The following CEP120 variants were observed in gnomAD, a reference collection of about 807,000 sequenced individuals.
The protein encoded by CEP120 is centrosomal protein 120.
CEP120 carries 113 observed loss-of-function variants against 126.5 expected under a neutral mutation model. The ratio of observed to expected loss-of-function variants is 0.89; its 90% CI spans 0.77 to 1.04. The LOEUF is 1.04. Ranked by LOEUF, CEP120 falls within the 50% of genes least tolerant of loss-of-function variation. The probability of loss-of-function intolerance (pLI) is 0.00; values close to 1 mark genes in which losing one functional copy is unlikely to be tolerated. For missense variants in CEP120, 1,230 were observed against 1,155.7 expected (o/e 1.06, Z -0.93); for synonymous variants, 400 against 394.3 (o/e 1.01, Z -0.17).
intron 3 of CEP120, among the ~76,000 whole-genome samples, chr5:123,414,152 G>C (rs1455474658): frequency 2.0e-5 from 3 of 152,158 alleles, no homozygotes; most frequent in Admixed American, 2.0e-4. Flanking sequence ...TCATCCCTCA[G>C]ATACCCCCCT....
At chr5:123,365,575 T>G (rs1770396073) in intron 17 of CEP120, among the ~76,000 whole-genome samples, 1 of 151,688 alleles carries the variant, frequency 6.6e-6, no homozygotes, top group Admixed American at 6.6e-5. Flanking sequence ...AATATATGAC[T>G]ACATGGAGTC....
At chr5:123,422,388 G>C (rs776579325) in intron 1 of CEP120, 2 of 927,296 alleles carry the variant, frequency 2.2e-6, no homozygotes, top group African/African-American at 3.3e-5. Context: ...AATCAGGACT[G>C]TTTCATTCTT....
At chr5:123,423,610 T>TTG (rs1206150360), upstream of CEP120, 198 of 153,022 alleles carry the variant, frequency 1.3e-3, 2 homozygotes, top group Admixed American at 2.3e-3. Context: ...TGAAGCTGCG[T>TTG]AGCCTTTAAG....
Position 123,346,425 on chromosome 5 carries a change from C to A in CEP120, c.*94G>T. ...TTTTGCTTATAAAAAATTGAAAATA[C>A]CATTTTAAAACATCCATTTTCCTCA... On this transcript the variant is annotated 3_prime_UTR_variant, in exon 20 of 20. Transcript: ENST00000306467. 1 of 927,230 alleles carries A rather than the reference C, an allele frequency of 1.1e-6. No homozygotes were observed. Among genetic ancestry groups the A allele is most frequent in the Non-Finnish European group, 1.6e-6 (1 of 629,778 alleles). 57.4% of individuals were successfully genotyped at this position (927,230 alleles called of 1,614,324 possible).
At chr5:123,411,356 C>A (rs918912713) in intron 4 of CEP120, among the ~76,000 whole-genome samples, 1 of 152,310 alleles carries the variant, frequency 6.6e-6, no homozygotes, top group South Asian at 2.1e-4. Flanking sequence ...CTGAAAACTT[C>A]TGTCCACATA....
At chr5:123,410,202 G>A (rs1773959329) in intron 4 of CEP120, among the ~76,000 whole-genome samples, 1 of 152,042 alleles carries the variant, frequency 6.6e-6, no homozygotes, top group Non-Finnish European at 1.5e-5. Flanking sequence ...AGAAATCAAA[G>A]AACTAAATAA....
intron 15 of CEP120, among the ~76,000 whole-genome samples, chr5:123,377,874 G>A (rs1220745341): frequency 6.6e-6 from 1 of 151,914 alleles, no homozygotes; most frequent in Non-Finnish European, 1.5e-5. Context: ...TCTGATTCTT[G>A]CCTAATCGCA....
chr5:123,403,120 T>C, intron 4 of CEP120: 2 of 353,136 alleles, frequency 5.7e-6, no homozygotes, highest in Non-Finnish European at 1.1e-5. Flanking sequence ...TGTGTGTATG[T>C]ATTTATATGT....
intron 14 of CEP120, among the ~76,000 whole-genome samples, chr5:123,379,538 C>G (rs1771497881): frequency 6.6e-6 from 1 of 151,992 alleles, no homozygotes; most frequent in South Asian, 2.1e-4. Context: ...TAAAATGGTA[C>G]ATAACTACCA....
intron 14 of CEP120, among the ~76,000 whole-genome samples, chr5:123,379,535 G>T (rs1771497715): frequency 6.6e-6 from 1 of 151,706 alleles, no homozygotes; most frequent in Non-Finnish European, 1.5e-5. Context: ...TCCTAAAATG[G>T]TACATAACTA....
At chr5:123,348,866 G>A (rs1013114874) in intron 19 of CEP120, among the ~76,000 whole-genome samples, 2 of 152,134 alleles carry the variant, frequency 1.3e-5, no homozygotes, top group Non-Finnish European at 2.9e-5. Flanking sequence ...CAGTGAGAAG[G>A]TGGGTCTCTA....
chr5:123,359,200 T>C (rs1432708766), intron 18 of CEP120, among the ~76,000 whole-genome samples: 1 of 152,062 alleles, frequency 6.6e-6, no homozygotes, highest in Non-Finnish European at 1.5e-5. Flanking sequence ...TCAGCTCAGT[T>C]TTAAACAGAT....
At chr5:123,401,399 C>A in intron 4 of CEP120, 2 of 1,463,842 alleles carry the variant, frequency 1.4e-6, no homozygotes, top group East Asian at 4.5e-5. Flanking sequence ...CTGGAGCCGG[C>A]TGATGTTCCG....
Position 123,346,639 on chromosome 5 carries a change from G to A in CEP120, c.2841C>T (p.Arg947=). 2 of 1,613,844 alleles carry A rather than the reference G, an allele frequency of 1.2e-6. No individual in the cohort carries two copies. The highest frequency in any genetic ancestry group is 1.7e-6 in the Non-Finnish European group (2 of 1,179,920). Residue 947 remains arginine, a synonymous_variant, in exon 20 of 20, where the codon CGC becomes CGT. Coordinates refer to ENST00000306467, the MANE Select transcript of CEP120 (RefSeq NM_001375405.1). Reference sequence around the variant, plus strand: ...TCAAAGTATCCCTTTCTTCTATCAGGCGAGTCAAATAATCATCCAAACCTT... The same window carrying A: ...TCAAAGTATCCCTTTCTTCTATCAGACGAGTCAAATAATCATCCAAACCTT... ...LEEGLDDYLT[R]LIEERDTLMR...
chr5:123,397,693 C>A (rs1410763538), intron 5 of CEP120, among the ~76,000 whole-genome samples: 3 of 152,202 alleles, frequency 2.0e-5, no homozygotes, highest in African/African-American at 7.2e-5. Context: ...TGATAAAAAT[C>A]TTTACCTGAT....
intron 6 of CEP120, 53 bp from the exon 7 acceptor site, chr5:123,391,390 T>A: frequency 7.6e-7 from 1 of 1,318,386 alleles, no homozygotes; most frequent in Non-Finnish European, 1.1e-6. Context: ...TCCTTTCTCC[T>A]AAATATCATA....
chr5:123,382,032 G>T, intron 14 of CEP120, 79 bp downstream of exon 14: 1 of 986,552 alleles, frequency 1.0e-6, no homozygotes, highest in Non-Finnish European at 1.5e-6. Flanking sequence ...ATTCCTTCCA[G>T]AGACTGTCTT....
chr5:123,418,887 A>G (rs913731304), intron 1 of CEP120, among the ~76,000 whole-genome samples: 4 of 152,144 alleles, frequency 2.6e-5, no homozygotes, highest in African/African-American at 9.7e-5. Flanking sequence ...CCAGCCTAGC[A>G]TGTGTTTTTT....
rs1406484018 is a variant in CEP120, at chr5:123,423,096, C to G, written c.-98G>C. The stretch of plus-strand genomic sequence containing the variant: ...GGACCCCCGGCGGGACCCCCACTGC[C>G]CGCCCCCGGTCCCTGATGCCCGGAC... On this transcript the variant is annotated 5_prime_UTR_variant, in exon 1 of 20. Transcript: ENST00000306467. The G allele has an allele frequency of 9.8e-7, 1 of 1,019,940 alleles. No individual in the cohort carries two copies. Among genetic ancestry groups the G allele is most frequent in the African/African-American group, 1.6e-5 (1 of 63,590 alleles). 63.2% of individuals were successfully genotyped at this position (1,019,940 alleles called of 1,614,324 possible).
Sources: allele counts gnomAD v4.1 joint callset (sites outside exome capture counted in the v4.1 genomes callset), GRCh38; gene constraint gnomAD v4.1.1; transcripts MANE v1.5; gene names NCBI Gene and HGNC (gene_info 2026-07-23, HGNC 2026-07-21).